Variants in MBP observed in about 807,000 individuals in gnomAD.
MBP encodes myelin basic protein.
MBP carries 16 observed loss-of-function variants against 35.8 expected under a neutral mutation model. That is an observed-to-expected ratio of 0.45 (90% CI 0.30 to 0.68). The LOEUF is 0.68. MBP is among the 30% of genes least tolerant of loss of function. The pLI, the probability that MBP is intolerant of heterozygous loss-of-function variation, is 0.08. For synonymous variants in MBP, 143 were observed against 159.6 expected (o/e 0.90, Z 0.78); for missense variants, 380 against 404.7 (o/e 0.94, Z 0.52).
intron 3 of MBP, among the ~76,000 whole-genome samples, chr18:77,023,632 T>C (rs908330648): frequency 9.2e-5 from 14 of 152,100 alleles, no homozygotes; most frequent in African/African-American, 3.1e-4. Flanking sequence ...AAGGACACAC[T>C]CCTCTCTCTG....
intron 2 of MBP, among the ~76,000 whole-genome samples, chr18:77,090,197 G>A (rs1319732287): frequency 6.6e-6 from 1 of 152,168 alleles, no homozygotes; most frequent in Non-Finnish European, 1.5e-5. Context: ...TCTAGCCCCC[G>A]TTGCCTGAGG....
At chr18:77,111,172 C>T (rs954616435) in intron 1 of MBP, among the ~76,000 whole-genome samples, 10 of 152,108 alleles carry the variant, frequency 6.6e-5, no homozygotes, top group Admixed American at 1.3e-4. Flanking sequence ...TCTGTGGGTC[C>T]GTCAGATGAA....
Position 77,044,463 on chromosome 18 carries a change from TGAAGTTCTACTGCA to T in MBP, c.139+21821_139+21834del, listed in dbSNP as rs1973143838. The stretch of plus-strand genomic sequence containing the variant: ...GGGACTGCTGTCCTCCTTCCCAGCA[TGAAGTTCTACTGCA>T]AGGGCCACTCTCCCTGTACAGGCCT... On this transcript the variant is annotated intron_variant, in intron 3 of 8. Coordinates refer to ENST00000355994, the MANE Select transcript of MBP (RefSeq NM_001025101.2). The surrounding 1 kb of genome is among the most constrained non-coding windows in gnomAD (Gnocchi z 4.4). Among the ~76,000 whole-genome samples, 2 of 152,120 alleles carry T rather than the reference TGAAGTTCTACTGCA, an allele frequency of 1.3e-5. No individual in the cohort carries two copies. The highest frequency in any genetic ancestry group is 2.9e-5 in the Non-Finnish European group (2 of 68,016).
In MBP at chr18:77,009,843, T is replaced by A. The variant is rs374946394; in HGVS notation, c.576+6989A>T. Reference sequence around the variant, plus strand: ...CCCGATGGGTGAGGACCCGCCGGCGTCTTACCTTGTACATGTTGCACAGCC... The same window carrying A: ...CCCGATGGGTGAGGACCCGCCGGCGACTTACCTTGTACATGTTGCACAGCC... On this transcript the variant is annotated intron_variant, in intron 4 of 8. Coordinates refer to ENST00000355994, the MANE Select transcript of MBP (RefSeq NM_001025101.2). 1.9e-6 allele frequency: 3 copies of A among 1,578,028 alleles called. No individual in the cohort carries two copies. In the African/African-American group the frequency reaches 4.0e-5, roughly 21 times the overall value.
intron 1 of MBP, among the ~76,000 whole-genome samples, chr18:77,111,941 G>A (rs1347734346): frequency 3.3e-5 from 5 of 152,060 alleles, no homozygotes; most frequent in East Asian, 1.9e-4. Flanking sequence ...ACCAAGTGAC[G>A]GGACTTCTCT....
intron 2 of MBP, among the ~76,000 whole-genome samples, chr18:77,104,478 C>T (rs1568341762): frequency 6.6e-6 from 1 of 152,188 alleles, no homozygotes; most frequent in African/African-American, 2.4e-5. Context: ...CAAGTATTTC[C>T]TGTCCTTTCG....
At chr18:77,036,915 A>G (rs12456295) in intron 3 of MBP, among the ~76,000 whole-genome samples, 177 of 12,628 alleles carry the variant, frequency 0.014, 18 homozygotes, top group East Asian at 0.057. Context: ...TGCTGGTCAC[A>G]TTTTGGAGAC....
At chr18:77,091,950 C>T (rs1467956139) in intron 2 of MBP, among the ~76,000 whole-genome samples, 1 of 152,164 alleles carries the variant, frequency 6.6e-6, no homozygotes, top group African/African-American at 2.4e-5. Flanking sequence ...AGTCTCACTT[C>T]CAAATTTAAA....
At chr18:77,092,503 C>T (rs1347484604) in intron 2 of MBP, among the ~76,000 whole-genome samples, 2 of 152,186 alleles carry the variant, frequency 1.3e-5, no homozygotes, top group African/African-American at 2.4e-5. Flanking sequence ...AGAATTCGTC[C>T]GCAGAGATGC....
At chr18:76,999,350 T>C (rs537956485) in intron 4 of MBP, among the ~76,000 whole-genome samples, 1 of 152,150 alleles carries the variant, frequency 6.6e-6, no homozygotes, top group Non-Finnish European at 1.5e-5. Context: ...TCAGAAGCTC[T>C]GAGCTGCGGC....
chr18:77,064,933 T>C (rs1289099348), intron 3 of MBP, among the ~76,000 whole-genome samples: 1 of 152,174 alleles, frequency 6.6e-6, no homozygotes, highest in Non-Finnish European at 1.5e-5. Context: ...TAGGAATAGA[T>C]GAAGAAAATC....
At chr18:77,003,599 T>C (rs1173768070) in intron 4 of MBP, 1 of 152,228 alleles carries the variant, frequency 6.6e-6, no homozygotes, top group East Asian at 1.9e-4. Flanking sequence ...TGAGCTGCCA[T>C]GATAAGAAAG....
Position 77,007,889 on chromosome 18 carries a change from C to T in MBP, c.576+8943G>A, listed in dbSNP as rs56107216. Among the ~76,000 whole-genome samples the T allele has an allele frequency of 1.5e-3, 235 of 152,304 alleles. 2 individuals carry two copies. Among genetic ancestry groups the T allele is most frequent in the African/African-American group, 5.4e-3 (225 of 41,554 alleles). On this transcript the variant is annotated intron_variant, in intron 4 of 8. Transcript: ENST00000355994. ...TATGCAAAACCTGTCTAGGATGAAA[C>T]TGTGGAGAACAGAAGGGCTGCTTTT...
chr18:77,046,618 G>A (rs470250), intron 3 of MBP, among the ~76,000 whole-genome samples: 132,638 of 152,278 alleles, frequency 0.87, 58,344 homozygotes, highest in South Asian at 0.93. Context: ...GGCCAGGGCC[G>A]GGCCGACCCT....
chr18:77,026,967 G>C (rs1757710838), intron 3 of MBP, among the ~76,000 whole-genome samples: 1 of 152,192 alleles, frequency 6.6e-6, no homozygotes, highest in Admixed American at 6.5e-5. Flanking sequence ...CATCCCTCAG[G>C]TAACTTGAGG....
chr18:77,083,363 A>G (rs1036452616), intron 2 of MBP, among the ~76,000 whole-genome samples: 3 of 152,146 alleles, frequency 2.0e-5, no homozygotes, highest in Non-Finnish European at 4.4e-5. Context: ...GACGTCCAGG[A>G]CCCTTTTCTT....
chr18:77,012,311 C>T (rs1971400432), intron 4 of MBP, among the ~76,000 whole-genome samples: 1 of 152,192 alleles, frequency 6.6e-6, no homozygotes, highest in South Asian at 2.1e-4. Context: ...CCCATGTGCA[C>T]GTTCATTCAG....
At position 76,980,467 on chromosome 18, in the gene MBP, C is replaced by T; in HGVS notation, c.875G>A (p.Gly292Glu). 1 of 1,613,654 alleles carries T rather than the reference C, an allele frequency of 6.2e-7. No homozygotes were observed. ...GGGTGATCCAGAGCGACTATCTCTTCCTCCCTGAAAAGGAAGAGAGAGGAG... is the reference window on the plus strand; with the variant it reads ...GGGTGATCCAGAGCGACTATCTCTTTCTCCCTGAAAAGGAAGAGAGAGGAG... ...GTLSKIFKLGGRDSRSGSPMA... is the reference protein window; with the variant it reads ...GTLSKIFKLGERDSRSGSPMA... Residue 292 changes from glycine (G) to glutamate (E), a missense_variant, in exon 9 of 9, where the codon GGA becomes GAA. Transcript: ENST00000355994.
Position 76,979,492 on chromosome 18 carries a change from G to A in MBP, c.*935C>T. ...CGCCCGGTCACAGCCAGTGTCTATG[G>A]GCGACTGGCGCGGCTGCGAGGCTGT... On this transcript the variant is annotated 3_prime_UTR_variant, in exon 9 of 9. Transcript: ENST00000355994. The A allele has an allele frequency of 6.1e-6, 1 of 165,082 alleles. No individual in the cohort carries two copies. Among genetic ancestry groups the A allele is most frequent in the African/African-American group, 2.4e-5 (1 of 41,736 alleles). 10.2% of individuals were successfully genotyped at this position (165,082 alleles called of 1,614,324 possible).
Sources: gnomAD v4.1 joint callset for allele counts (sites outside exome capture counted in the v4.1 genomes callset) on GRCh38, gnomAD v4.1.1 for gene constraint, Gnocchi (gnomAD v3.1) non-coding constraint, MANE v1.5 for transcripts, NCBI Gene and HGNC (gene_info 2026-07-23, HGNC 2026-07-21) for gene names.